C3orf20: variants seen among roughly 807,000 people sequenced by gnomAD.
The protein encoded by C3orf20 is uncharacterized protein C3orf20.
A neutral mutation model predicts 88.3 loss-of-function variants in C3orf20; 76 were observed. The observed-to-expected ratio is 0.86, with a 90% CI of 0.72 to 1.04. The LOEUF (loss-of-function observed/expected upper bound fraction) is 1.04. C3orf20 is among the 50% of genes least tolerant of loss of function. C3orf20 has a pLI of 0.00. For missense variants in C3orf20, 1,056 were observed against 1,123.3 expected, an observed-to-expected ratio of 0.94 and a Z score of 0.86; for synonymous variants, 436 against 437.4, an observed-to-expected ratio of 1.00 and a Z score of 0.04.
Position 14,682,590 on chromosome 3 carries a change from C to T in C3orf20, c.-124C>T, listed in dbSNP as rs2032151402. ...CCTTTCCGGATAGGAACCACTGGCT[C>T]AATGACCTGTAAGGGCCGTTTCAGC... On this transcript the variant is annotated 5_prime_UTR_variant, in exon 3 of 17. Coordinates refer to ENST00000253697, the MANE Select transcript of C3orf20 (RefSeq NM_032137.5). 2 of 1,276,148 alleles carry T rather than the reference C, an allele frequency of 1.6e-6. No homozygotes were observed. Among genetic ancestry groups the T allele is most frequent in the Admixed American group, 2.3e-5 (1 of 43,988 alleles). The allele number at this position is 1,276,148 out of a possible 1,614,324, so 79.1% of individuals were successfully genotyped here. A position where few individuals can be genotyped will look rare whatever the true frequency, so the allele number is the denominator to read the frequency against.
At chr3:14,693,237 T>C (rs1437072400) in intron 5 of C3orf20, among the ~76,000 whole-genome samples, 1 of 152,216 alleles carries the variant, frequency 6.6e-6, no homozygotes, top group Non-Finnish European at 1.5e-5. Context: ...ACTTTAGGAA[T>C]GATTTTTCTA....
At chr3:14,764,387 C>A (rs1255641235) in intron 15 of C3orf20, among the ~76,000 whole-genome samples, 5 of 152,184 alleles carry the variant, frequency 3.3e-5, no homozygotes, top group African/African-American at 9.7e-5. Flanking sequence ...GAAATAGAAT[C>A]TTTAATTGAA....
intron 15 of C3orf20, among the ~76,000 whole-genome samples, chr3:14,770,164 T>C (rs1342364384): frequency 6.6e-6 from 1 of 152,134 alleles, no homozygotes; most frequent in East Asian, 1.9e-4. Flanking sequence ...GCCCAGACAC[T>C]TCCACAGTCC....
chr3:14,757,306 G>C (rs556886432), intron 12 of C3orf20, 65 bp from the exon 13 acceptor site: 2 of 1,402,436 alleles, frequency 1.4e-6, no homozygotes, highest in Admixed American at 4.3e-5. Context: ...GAGCCAGGGG[G>C]CTCTGGGAAC....
chr3:14,703,336 T>G, intron 6 of C3orf20, 74 bp downstream of exon 6: 1 of 1,597,784 alleles, frequency 6.3e-7, no homozygotes, highest in South Asian at 1.1e-5. Flanking sequence ...GGAGTCCCTG[T>G]GTATATGTGA....
At chr3:14,712,597 T>C (rs2033793709) in intron 7 of C3orf20, among the ~76,000 whole-genome samples, 1 of 152,242 alleles carries the variant, frequency 6.6e-6, no homozygotes, top group African/African-American at 2.4e-5. Context: ...TAATGTTTTA[T>C]AGATACATTG....
intron 12 of C3orf20, among the ~76,000 whole-genome samples, chr3:14,735,518 C>G (rs577041665): frequency 6.6e-6 from 1 of 151,924 alleles, no homozygotes; most frequent in Non-Finnish European, 1.5e-5. Flanking sequence ...GTCCATTTAC[C>G]GCTTGTTTTG....
intron 10 of C3orf20, 41 bp downstream of exon 10, chr3:14,721,825 G>T: frequency 6.2e-7 from 1 of 1,609,706 alleles, no homozygotes; most frequent in Non-Finnish European, 8.5e-7. Context: ...TGACCCCTGG[G>T]CATCTCAACG....
At chr3:14,713,055 T>C (rs1263597362) in intron 7 of C3orf20, among the ~76,000 whole-genome samples, 1 of 152,186 alleles carries the variant, frequency 6.6e-6, no homozygotes, top group Non-Finnish European at 1.5e-5. Context: ...AAGATTAATC[T>C]CTTTTTTCTT....
At chr3:14,738,807 AT>A (rs1221697056) in intron 12 of C3orf20, among the ~76,000 whole-genome samples, 9 of 98,948 alleles carry the variant, frequency 9.1e-5, no homozygotes, top group Non-Finnish European at 1.4e-4. Context: ...TGCCTGGCTA[AT>A]TTTTTTGTTT....
At chr3:14,731,482 GAC>G (rs2034539644) in intron 12 of C3orf20, among the ~76,000 whole-genome samples, 1 of 152,174 alleles carries the variant, frequency 6.6e-6, no homozygotes, top group South Asian at 2.1e-4. Context: ...AAAGGAAAAA[GAC>G]ACAGGTAGAA....
At chr3:14,751,203 T>C (rs2035209653) in intron 12 of C3orf20, among the ~76,000 whole-genome samples, 1 of 152,250 alleles carries the variant, frequency 6.6e-6, no homozygotes, top group Admixed American at 6.5e-5. Context: ...CTGGTTTCCT[T>C]TAGTTGTTTT....
intron 5 of C3orf20, among the ~76,000 whole-genome samples, chr3:14,699,256 G>A (rs2033144809): frequency 6.6e-6 from 1 of 152,210 alleles, no homozygotes; most frequent in Non-Finnish European, 1.5e-5. Context: ...TCATTGCTGA[G>A]CTAGTACATA....
chr3:14,770,529 T>C (rs2035831293), intron 15 of C3orf20, among the ~76,000 whole-genome samples: 1 of 152,094 alleles, frequency 6.6e-6, no homozygotes, highest in Non-Finnish European at 1.5e-5. Context: ...CCTTGTAGGA[T>C]GGCCCCTGCC....
chr3:14,716,356 C>T (rs2033941045), intron 9 of C3orf20, among the ~76,000 whole-genome samples: 1 of 152,188 alleles, frequency 6.6e-6, no homozygotes, highest in South Asian at 2.1e-4. Context: ...GATCACAGAA[C>T]ATAGCATCCA....
intron 9 of C3orf20, among the ~76,000 whole-genome samples, chr3:14,718,492 T>C (rs934397502): frequency 6.6e-6 from 1 of 152,258 alleles, no homozygotes; most frequent in African/African-American, 2.4e-5. Flanking sequence ...ATTAGTGTTT[T>C]AATGTCCTTG....
At chr3:14,709,059 A>C (rs1382508446) in intron 7 of C3orf20, among the ~76,000 whole-genome samples, 1 of 152,248 alleles carries the variant, frequency 6.6e-6, no homozygotes, top group Non-Finnish European at 1.5e-5. Context: ...CAACAGCATC[A>C]AAAAGATTAA....
chr3:14,711,627 CTT>C (rs35966332), intron 7 of C3orf20, among the ~76,000 whole-genome samples: 55 of 72,616 alleles, frequency 7.6e-4, no homozygotes, highest in African/African-American at 2.5e-3. Context: ...ATCCTGCCAG[CTT>C]TTTTTTTTTT....
chr3:14,738,815 G>GTTTTTTTTTTTTTTT (rs71038433), intron 12 of C3orf20, among the ~76,000 whole-genome samples: 2 of 97,784 alleles, frequency 2.0e-5, no homozygotes, highest in South Asian at 3.5e-4. Flanking sequence ...TAATTTTTTT[G>GTTTTTTTTTTTTTTT]TTTTTTTTTT....
Sources: allele counts gnomAD v4.1 joint callset (sites outside exome capture counted in the v4.1 genomes callset), GRCh38; gene constraint gnomAD v4.1.1; transcripts MANE v1.5; gene names NCBI Gene and HGNC (gene_info 2026-07-23, HGNC 2026-07-21).